The following RNF150 variants were observed in gnomAD, a reference collection of about 807,000 sequenced individuals.
The protein encoded by RNF150 is ring finger protein 150.
In RNF150, 24 loss-of-function variants were observed where a neutral mutation model predicts 39.3. The observed-to-expected ratio is 0.61, with a 90% CI of 0.44 to 0.86. RNF150 has a LOEUF of 0.86. Among genes scored for constraint, RNF150 ranks in the 40% least tolerant of loss-of-function variants. The pLI, the probability that RNF150 is intolerant of heterozygous loss-of-function variation, is 0.00. For synonymous variants in RNF150, 255 were observed against 227.3 expected, an observed-to-expected ratio of 1.12 and a Z score of -1.10; for missense variants, 502 against 587.8, an observed-to-expected ratio of 0.85 and a Z score of 1.51.
At chr4:141,170,136 A>G (rs1727685137) in intron 1 of RNF150, among the ~76,000 whole-genome samples, 1 of 152,216 alleles carries the variant, frequency 6.6e-6, no homozygotes, top group African/African-American at 2.4e-5. Flanking sequence ...AAAGAAATGG[A>G]GATACTGAAT....
intron 1 of RNF150, among the ~76,000 whole-genome samples, chr4:141,112,534 A>G (rs1739418342): frequency 6.6e-6 from 1 of 152,126 alleles, no homozygotes. Context: ...TCTTTTCTTT[A>G]AGCATGTTGA....
chr4:140,929,358 G>GTTTT (rs532514901), intron 4 of RNF150, among the ~76,000 whole-genome samples: 3 of 51,570 alleles, frequency 5.8e-5, no homozygotes, highest in African/African-American at 1.6e-4. Flanking sequence ...TGGATGCTAA[G>GTTTT]TTTTTTTTTT....
chr4:141,121,096 T>G (rs556553707), intron 1 of RNF150, among the ~76,000 whole-genome samples: 3 of 152,146 alleles, frequency 2.0e-5, no homozygotes, highest in South Asian at 2.1e-4. Flanking sequence ...AGTCACCCCT[T>G]TACTGCATTA....
intron 6 of RNF150, among the ~76,000 whole-genome samples, chr4:140,886,190 C>CAAAAA (rs1171164182): frequency 7.2e-3 from 508 of 70,446 alleles, no homozygotes; most frequent in Middle Eastern, 0.011. Flanking sequence ...GACTCCATCA[C>CAAAAA]AAAAAAAAAA....
intron 6 of RNF150, among the ~76,000 whole-genome samples, chr4:140,882,176 C>T (rs1349870713): frequency 1.5e-4 from 23 of 152,140 alleles, no homozygotes; most frequent in African/African-American, 4.3e-4. Flanking sequence ...CCCGCCACTA[C>T]GCCCGGCTAA....
At chr4:140,919,592 G>T (rs12502043) in intron 5 of RNF150, among the ~76,000 whole-genome samples, 1 of 137,118 alleles carries the variant, frequency 7.3e-6, no homozygotes, top group African/African-American at 2.7e-5. Flanking sequence ...AATCAATATC[G>T]TGAAAATGGC....
chr4:141,133,192 G>A lies in RNF150; in HGVS notation c.-384C>T. ...CAGGGTGGCGGCCCTGCGCCCTCCA[G>A]CCCCGGCGGGGACGGGCACGATTGC... On this transcript the variant is annotated 5_prime_UTR_variant, in exon 1 of 7. Transcript: ENST00000515673. 4.2e-6 allele frequency: 1 copy of A among 239,026 alleles called. No individual in the cohort carries two copies. Among genetic ancestry groups the A allele is most frequent in the South Asian group, 5.1e-5 (1 of 19,642 alleles). The allele number at this position is 239,026 out of a possible 1,614,324, so 14.8% of individuals were successfully genotyped here. A position where few individuals can be genotyped will look rare whatever the true frequency, so the allele number is the denominator to read the frequency against.
At chr4:140,930,077 C>T (rs1731566781) in intron 4 of RNF150, among the ~76,000 whole-genome samples, 1 of 152,110 alleles carries the variant, frequency 6.6e-6, no homozygotes. Flanking sequence ...GGGAGAATTG[C>T]TTGAACCTGG....
At chr4:140,885,199 G>GT (rs1403282548) in intron 6 of RNF150, among the ~76,000 whole-genome samples, 2 of 138,940 alleles carry the variant, frequency 1.4e-5, no homozygotes, top group South Asian at 2.2e-4. Context: ...TCCAACATCA[G>GT]TCTTTTTTTT....
intron 1 of RNF150, among the ~76,000 whole-genome samples, chr4:141,185,719 A>G (rs1472401267): frequency 1.3e-5 from 2 of 152,202 alleles, no homozygotes; most frequent in Admixed American, 1.3e-4. Context: ...TACCTAGTTT[A>G]TTGAATGTGT....
intron 6 of RNF150, among the ~76,000 whole-genome samples, chr4:140,882,463 G>T (rs568016150): frequency 3.5e-4 from 54 of 152,178 alleles, no homozygotes; most frequent in African/African-American, 1.1e-3. Context: ...CTATAGTGTT[G>T]CTCTATTCTA....
At chr4:141,057,681 A>C (rs78971892) in intron 1 of RNF150, among the ~76,000 whole-genome samples, 1,585 of 152,138 alleles carry the variant, frequency 0.01, 25 homozygotes, top group African/African-American at 0.036. Context: ...GTTTCCTGAT[A>C]ACCTCTCACC....
chr4:140,863,663 T>C lies in RNF150; in HGVS notation c.*4598A>G, dbSNP rs1054141012. ...ATGTATGGGTATACAAAGTAAGATA[T>C]AGGCAGTCAGAGAAAAACAGATACA... is the stretch of plus-strand genomic sequence containing the variant. On this transcript the variant is annotated 3_prime_UTR_variant, in exon 7 of 7. Transcript: ENST00000515673. 7.9e-5 allele frequency: 12 copies of C among 152,066 alleles called. No homozygotes were observed. 9.4% of individuals were successfully genotyped at this position (152,066 alleles called of 1,614,324 possible).
intron 1 of RNF150, among the ~76,000 whole-genome samples, chr4:140,997,255 C>A (rs553724182): frequency 1.8e-4 from 28 of 152,196 alleles, no homozygotes; most frequent in Admixed American, 7.9e-4. Context: ...AAGATGCCAT[C>A]AGTAGGAGAT....
At chr4:141,040,711 T>C (rs1458788719) in intron 1 of RNF150, among the ~76,000 whole-genome samples, 1 of 151,942 alleles carries the variant, frequency 6.6e-6, no homozygotes, top group East Asian at 1.9e-4. Flanking sequence ...ACATCAGTGG[T>C]TTCCTACCTA....
At chr4:141,191,510 T>C (rs1354894534) in intron 1 of RNF150, among the ~76,000 whole-genome samples, 1 of 152,234 alleles carries the variant, frequency 6.6e-6, no homozygotes, top group East Asian at 1.9e-4. Flanking sequence ...TGTAAAAATG[T>C]ACATTTTGTC....
At chr4:141,007,235 T>A (rs2110734258) in intron 1 of RNF150, among the ~76,000 whole-genome samples, 1 of 152,286 alleles carries the variant, frequency 6.6e-6, no homozygotes, top group Non-Finnish European at 1.5e-5. Context: ...TAATAGAGAT[T>A]TATTGAACAT....
chr4:140,921,057 C>T (rs535038666), intron 5 of RNF150, among the ~76,000 whole-genome samples: 61 of 150,532 alleles, frequency 4.1e-4, no homozygotes, highest in African/African-American at 1.5e-3. Context: ...GGAGGGATAG[C>T]ATTAGGAGAT....
chr4:141,154,511 T>A (rs1163902236), intron 1 of RNF150, among the ~76,000 whole-genome samples: 1 of 152,078 alleles, frequency 6.6e-6, no homozygotes, highest in Non-Finnish European at 1.5e-5. Flanking sequence ...GGGGAAGAGT[T>A]GAGAAGAGTC....
Sources: gnomAD v4.1 joint callset for allele counts (sites outside exome capture counted in the v4.1 genomes callset) on GRCh38, gnomAD v4.1.1 for gene constraint, MANE v1.5 for transcripts, NCBI Gene and HGNC (gene_info 2026-07-23, HGNC 2026-07-21) for gene names.